Variants in SLCO5A1 observed in about 807,000 individuals in gnomAD.
SLCO5A1 encodes organic anion transporter polypeptide-related protein 4.
Under a neutral mutation model 65.1 loss-of-function variants are expected in SLCO5A1, and 39 were observed. That is an observed-to-expected ratio of 0.60 (90% CI 0.46 to 0.78). SLCO5A1 has a LOEUF of 0.78. Among genes scored for constraint, SLCO5A1 ranks in the 30% least tolerant of loss-of-function variants. The probability of loss-of-function intolerance (pLI) is 0.00; values close to 1 mark genes in which losing one functional copy is unlikely to be tolerated. For synonymous variants in SLCO5A1, 438 were observed against 415.7 expected (o/e 1.05, Z -0.65); for missense variants, 1,029 against 1,069.4 (o/e 0.96, Z 0.53).
At chr8:69,729,412 C>G (rs577942383) in intron 5 of SLCO5A1, among the ~76,000 whole-genome samples, 4 of 129,420 alleles carry the variant, frequency 3.1e-5, no homozygotes, top group African/African-American at 1.2e-4. Flanking sequence ...CCACTGCAGT[C>G]CGGCCTGGGC....
At chr8:69,696,514 T>C (rs1256212660) in intron 6 of SLCO5A1, among the ~76,000 whole-genome samples, 1 of 152,224 alleles carries the variant, frequency 6.6e-6, no homozygotes, top group Non-Finnish European at 1.5e-5. Flanking sequence ...ATTTATCCGT[T>C]GCCTCCCATC....
At chr8:69,731,153 C>A (rs1311167657) in intron 5 of SLCO5A1, among the ~76,000 whole-genome samples, 1 of 152,172 alleles carries the variant, frequency 6.6e-6, no homozygotes, top group African/African-American at 2.4e-5. Flanking sequence ...GCACGTGTCA[C>A]CACGCCTGGC....
chr8:69,756,001 T>C (rs1327403792), intron 3 of SLCO5A1, among the ~76,000 whole-genome samples: 2 of 152,232 alleles, frequency 1.3e-5, no homozygotes, highest in Non-Finnish European at 2.9e-5. Flanking sequence ...AGAAAAATAA[T>C]GTAGACAATA....
intron 2 of SLCO5A1, among the ~76,000 whole-genome samples, chr8:69,788,323 G>A (rs1819124809): frequency 6.6e-6 from 1 of 152,162 alleles, no homozygotes; most frequent in African/African-American, 2.4e-5. Context: ...AGAGCTCAAG[G>A]TGTTAATACG....
chr8:69,758,305 G>A (rs369814342), intron 3 of SLCO5A1, among the ~76,000 whole-genome samples: 1 of 152,082 alleles, frequency 6.6e-6, no homozygotes, highest in Non-Finnish European at 1.5e-5. Context: ...TCCCACCTCA[G>A]CCTACCAAAT....
At chr8:69,775,341 T>C (rs1245303354) in intron 2 of SLCO5A1, among the ~76,000 whole-genome samples, 1 of 152,200 alleles carries the variant, frequency 6.6e-6, no homozygotes, top group African/African-American at 2.4e-5. Context: ...TTAATTAGTA[T>C]CTGGGGCATG....
intron 5 of SLCO5A1, among the ~76,000 whole-genome samples, chr8:69,711,811 C>T (rs557088216): frequency 6.2e-4 from 95 of 152,304 alleles, no homozygotes; most frequent in African/African-American, 2.2e-3. Context: ...CTGTGAAAGG[C>T]TTCGAACAGT....
chr8:69,696,135 G>A (rs905676070), intron 6 of SLCO5A1, among the ~76,000 whole-genome samples: 5 of 152,240 alleles, frequency 3.3e-5, no homozygotes, highest in African/African-American at 1.2e-4. Context: ...GATGGGTGAG[G>A]TAGGTGTGGT....
intron 2 of SLCO5A1, among the ~76,000 whole-genome samples, chr8:69,790,193 A>C (rs1425036995): frequency 1.5e-5 from 2 of 136,540 alleles, no homozygotes; most frequent in Non-Finnish European, 3.1e-5. Context: ...CTCCTTCTCA[A>C]AAAAAAAAAA....
chr8:69,732,024 A>G (rs758868646), intron 5 of SLCO5A1, among the ~76,000 whole-genome samples: 2 of 152,258 alleles, frequency 1.3e-5, no homozygotes, highest in Non-Finnish European at 2.9e-5. Context: ...TCATAAACTT[A>G]TATAAAAGCT....
At chr8:69,782,716 A>G (rs994127183) in intron 2 of SLCO5A1, among the ~76,000 whole-genome samples, 2 of 152,154 alleles carry the variant, frequency 1.3e-5, no homozygotes, top group Non-Finnish European at 2.9e-5. Flanking sequence ...CAACACTTCA[A>G]TTTATAGCAG....
At chr8:69,815,581 C>T (rs1820367994) in intron 2 of SLCO5A1, among the ~76,000 whole-genome samples, 2 of 151,380 alleles carry the variant, frequency 1.3e-5, no homozygotes, top group Non-Finnish European at 1.5e-5. Context: ...TCTAATTTTC[C>T]ACAATTCCTT....
chr8:69,815,681 C>CACACACAT (rs1398980312), intron 2 of SLCO5A1, among the ~76,000 whole-genome samples: 2 of 150,390 alleles, frequency 1.3e-5, no homozygotes, highest in Non-Finnish European at 3.0e-5. Flanking sequence ...CACACACACA[C>CACACACAT]ACACACACAA....
intron 4 of SLCO5A1, among the ~76,000 whole-genome samples, chr8:69,743,377 G>C (rs1367982359): frequency 6.6e-6 from 1 of 152,052 alleles, no homozygotes; most frequent in African/African-American, 2.4e-5. Context: ...GTTTTAGATA[G>C]GGTCTCCCTC....
chr8:69,775,938 C>G (rs1370786510), intron 2 of SLCO5A1, among the ~76,000 whole-genome samples: 1 of 151,978 alleles, frequency 6.6e-6, no homozygotes, highest in Non-Finnish European at 1.5e-5. Context: ...TGGCTTGAGC[C>G]CAGCAGACTA....
rs200863998 is a variant in SLCO5A1, at chr8:69,832,334, G to T, written c.340C>A (p.Leu114Ile). The change falls in exon 2 of 10, where the codon CTC (leucine) becomes ATC (isoleucine). Residue 114 changes from leucine to isoleucine, a missense_variant. Around this residue, in one of 3 missense-constraint regions of SLCO5A1, gnomAD observed 647 missense variants for 647.5 expected, o/e 1.00. Transcript: ENST00000260126. The surrounding 1 kb of genome is among the most constrained non-coding windows in gnomAD (Gnocchi z 4.5). ...TFSVSSALAM[L>I]QERRCLYVVL... Reference sequence around the variant, plus strand: ...ACGTAGAGGCACCTTCTCTCCTGGAGCATGGCCAAGGCGGAGGACACCGAG... The same window carrying T: ...ACGTAGAGGCACCTTCTCTCCTGGATCATGGCCAAGGCGGAGGACACCGAG... 5 of 1,614,214 alleles carry T rather than the reference G, an allele frequency of 3.1e-6. No homozygotes were observed. The African/African-American group carries it at 6.7e-5, about 22-fold the overall frequency.
At chr8:69,716,377 C>CT (rs1300761882) in intron 5 of SLCO5A1, among the ~76,000 whole-genome samples, 1 of 152,198 alleles carries the variant, frequency 6.6e-6, no homozygotes, top group African/African-American at 2.4e-5. Context: ...TATGTTAACT[C>CT]TGTGTTTGAG....
intron 2 of SLCO5A1, among the ~76,000 whole-genome samples, chr8:69,774,201 C>T (rs1339891754): frequency 1.3e-5 from 2 of 152,182 alleles, no homozygotes; most frequent in Non-Finnish European, 2.9e-5. Context: ...GCTGCAGCTT[C>T]GTCCTTACAT....
intron 2 of SLCO5A1, among the ~76,000 whole-genome samples, chr8:69,817,933 A>C (rs1193188204): frequency 6.6e-6 from 1 of 152,192 alleles, no homozygotes; most frequent in African/African-American, 2.4e-5. Flanking sequence ...AGGTGAGCTC[A>C]CCTGGGGTTA....
Sources: allele counts gnomAD v4.1 joint callset (sites outside exome capture counted in the v4.1 genomes callset), GRCh38; gene constraint gnomAD v4.1.1; regional missense constraint gnomAD v4.1.1; non-coding constraint Gnocchi (gnomAD v3.1); transcripts MANE v1.5; gene names NCBI Gene and HGNC (gene_info 2026-07-23, HGNC 2026-07-21).